The following UNK variants were observed in gnomAD, a reference collection of about 807,000 sequenced individuals.
UNK encodes the protein unk zinc finger, also known as RING finger protein unkempt homolog.
A neutral mutation model predicts 97.6 loss-of-function variants in UNK; 32 were observed. The ratio of observed to expected loss-of-function variants is 0.33; its 90% CI spans 0.25 to 0.44. The LOEUF is 0.44. UNK is among the 20% of genes least tolerant of loss of function. The pLI is 1.00. For missense variants in UNK, 771 were observed against 1,098.4 expected (o/e 0.70, Z 4.21); for synonymous variants, 441 against 461.2 (o/e 0.96, Z 0.56).
chr17:75,800,234 A>T (rs568463483), intron 1 of UNK, among the ~76,000 whole-genome samples: 1 of 151,962 alleles, frequency 6.6e-6, no homozygotes, highest in East Asian at 2.0e-4. Flanking sequence ...ACACCCGGCT[A>T]ATTCTTGTAT....
Position 75,816,874 on chromosome 17 carries a change from G to C in UNK, c.1066G>C (p.Val356Leu). 6.2e-7 allele frequency: 1 copy of C among 1,606,978 alleles called. No homozygotes were observed. The highest frequency in any genetic ancestry group is 1.1e-5 in the South Asian group (1 of 90,668). The change falls in exon 8 of 16, where the codon GTG becomes CTG. Residue 356 changes from valine to leucine, a missense_variant. Val to Leu is a conservative substitution (Grantham distance 32). Transcript: ENST00000589666. The surrounding 1 kb of genome is among the most constrained non-coding windows in gnomAD (Gnocchi z 4.0). Reference protein sequence around the residue: ...MPSAAGDSVPVSPSSPHAPDL... With the variant: ...MPSAAGDSVPLSPSSPHAPDL... ...ATCTGCCGCCGGAGACTCGGTGCCTGTGAGCCCCTCCAGCCCGCATGCCCC... is the reference window on the plus strand; with the variant it reads ...ATCTGCCGCCGGAGACTCGGTGCCTCTGAGCCCCTCCAGCCCGCATGCCCC...
intron 1 of UNK, among the ~76,000 whole-genome samples, chr17:75,799,258 A>T (rs1446356326): frequency 6.6e-6 from 1 of 152,108 alleles, no homozygotes; most frequent in African/African-American, 2.4e-5. Flanking sequence ...GTGACCTGTA[A>T]TTGCACTACT....
chr17:75,813,290 GC>G, intron 5 of UNK, 77 bp downstream of exon 5: 1 of 1,484,468 alleles, frequency 6.7e-7, no homozygotes, highest in Non-Finnish European at 9.0e-7. Context: ...GCTCCCACTG[GC>G]TCTCCGGGAG....
intron 5 of UNK, 89 bp from the exon 6 acceptor site, chr17:75,813,672 T>C: frequency 8.9e-7 from 1 of 1,121,330 alleles, no homozygotes; most frequent in East Asian, 2.6e-5. Flanking sequence ...TCTGTGCTCA[T>C]GCCTATGAGG....
At chr17:75,798,188 A>C (rs1015192954) in intron 1 of UNK, among the ~76,000 whole-genome samples, 1 of 150,764 alleles carries the variant, frequency 6.6e-6, no homozygotes, top group Admixed American at 6.7e-5. Flanking sequence ...CTCCTGCCTC[A>C]GCCTCCCGAG....
chr17:75,823,579 G>A (rs1356070723), intron 15 of UNK, 57 bp downstream of exon 15: 12 of 1,475,608 alleles, frequency 8.1e-6, no homozygotes, highest in Non-Finnish European at 8.1e-6. Flanking sequence ...GCCAGCTCTT[G>A]GACTCTGACC....
At chr17:75,800,943 G>A (rs562704878) in intron 1 of UNK, among the ~76,000 whole-genome samples, 5 of 150,606 alleles carry the variant, frequency 3.3e-5, no homozygotes, top group African/African-American at 9.8e-5. Flanking sequence ...TCACTCTGTC[G>A]CCCAGGCTGG....
Position 75,819,039 on chromosome 17 carries a change from G to T in UNK, c.1546+223G>T. 2.0e-6 allele frequency: 1 copy of T among 496,626 alleles called. No individual in the cohort carries two copies. The highest frequency in any genetic ancestry group is 3.4e-6 in the Non-Finnish European group (1 of 290,724). The allele number at this position is 496,626 out of a possible 1,614,324, so 30.8% of individuals were successfully genotyped here. ...GCTCCTTTGTGCAAATTAGAAAGAG[G>T]TGCCTTTTCCCCTTGGTGAGTACAG... On this transcript the variant is annotated intron_variant, in intron 11 of 15. Transcript: ENST00000589666. The surrounding 1 kb of genome is among the most constrained non-coding windows in gnomAD (Gnocchi z 5.4).
intron 7 of UNK, among the ~76,000 whole-genome samples, chr17:75,815,750 G>T (rs1360409542): frequency 6.6e-6 from 1 of 151,960 alleles, no homozygotes; most frequent in African/African-American, 2.4e-5. Flanking sequence ...GCTGGGCATG[G>T]TGGCACACGC....
chr17:75,810,763 A>AGTAGCT (rs1473527619), intron 2 of UNK, among the ~76,000 whole-genome samples: 1 of 151,854 alleles, frequency 6.6e-6, no homozygotes, highest in Non-Finnish European at 1.5e-5. Context: ...CAGCCTCCCA[A>AGTAGCT]GTAGCTGGGA....
intron 1 of UNK, among the ~76,000 whole-genome samples, chr17:75,790,845 C>G (rs1449101000): frequency 6.6e-6 from 1 of 151,578 alleles, no homozygotes; most frequent in Non-Finnish European, 1.5e-5. Context: ...ACAGGAGAAT[C>G]GCTTGAACCC....
intron 1 of UNK, 103 bp downstream of exon 1, chr17:75,785,087 C>A (rs75137507): frequency 2.4e-4 from 178 of 741,810 alleles, no homozygotes; most frequent in Middle Eastern, 8.0e-4. Context: ...CTTCCTCCCC[C>A]CCTTCCTCCT....
At chr17:75,807,370 C>T (rs2061928164) in intron 1 of UNK, among the ~76,000 whole-genome samples, 1 of 152,202 alleles carries the variant, frequency 6.6e-6, no homozygotes, top group African/African-American at 2.4e-5. Context: ...TGCACTCCAG[C>T]CTGGGCAACA....
intron 7 of UNK, 33 bp downstream of exon 7, chr17:75,815,286 C>G (rs751644752): frequency 3.8e-6 from 6 of 1,583,464 alleles, no homozygotes; most frequent in East Asian, 4.5e-5. Flanking sequence ...GGGCAGTGCC[C>G]TCTCCCACCC....
rs1331764255 is a variant in UNK at position 75,816,014 on chromosome 17, ATC to A, written c.962-755_962-754del. On this transcript the variant is annotated intron_variant, in intron 7 of 15. Transcript: ENST00000589666. This position sits in a 1 kb window ranked among gnomAD's most constrained non-coding sequence, Gnocchi z 4.0. ...ATTTCAATAATCAATATACAAAAAT[ATC>A]AAGACATTTCACCTTTTTTTGTACT... 1.3e-5 allele frequency among the ~76,000 whole-genome samples: 2 copies of A among 152,230 alleles called. No individual in the cohort carries two copies. Among genetic ancestry groups the A allele is most frequent in the African/African-American group, 4.8e-5 (2 of 41,452 alleles).
At position 75,792,606 on chromosome 17, in the gene UNK, ACT is replaced by A. The variant is rs199522439; in HGVS notation, c.104+7625_104+7626del. On this transcript the variant is annotated intron_variant, in intron 1 of 15. Transcript: ENST00000589666. Reference sequence around the variant, plus strand: ...TTCTTGTTTTCTTACCATATAGATAACTCTATAGATTCACCCCAGCCAGTCAT... The same window carrying A: ...TTCTTGTTTTCTTACCATATAGATAACTATAGATTCACCCCAGCCAGTCAT... 2.2e-5 allele frequency: 11 copies of A among 501,136 alleles called. No individual in the cohort carries two copies. The East Asian group carries it at 1.6e-3, about 75-fold the overall frequency. 31.0% of individuals were successfully genotyped at this position (501,136 alleles called of 1,614,324 possible). A position where few individuals can be genotyped will look rare whatever the true frequency, so the allele number is the denominator to read the frequency against.
At position 75,813,065 on chromosome 17, in the gene UNK, G is replaced by GC. The variant is rs1313358434; in HGVS notation, c.623-8dup. The stretch of plus-strand genomic sequence containing the variant: ...CCTCTCACCTGACCCCTGCCCTCTG[G>GC]CCCCCTGTGCAGAGACTGCTTATGT... On this transcript the variant is annotated splice_polypyrimidine_tract_variant and intron_variant, in intron 4 of 15. Transcript: ENST00000589666. The GC allele has an allele frequency of 3.8e-6, 6 of 1,579,766 alleles. No homozygotes were observed. The highest frequency in any genetic ancestry group is 5.2e-6 in the Non-Finnish European group (6 of 1,162,270).
intron 13 of UNK, 135 bp from the exon 14 acceptor site, chr17:75,822,342 C>T (rs1044361422): frequency 2.7e-6 from 3 of 1,126,346 alleles, no homozygotes; most frequent in Admixed American, 5.4e-5. Context: ...CTGCAAAATT[C>T]TCTGGCCTGA....
At chr17:75,797,279 A>G (rs923489332) in intron 1 of UNK, among the ~76,000 whole-genome samples, 2 of 152,238 alleles carry the variant, frequency 1.3e-5, no homozygotes, top group African/African-American at 4.8e-5. Context: ...TCTGTCCCCC[A>G]GGCTGGAGTG....
Sources: allele counts gnomAD v4.1 joint callset (sites outside exome capture counted in the v4.1 genomes callset), GRCh38; gene constraint gnomAD v4.1.1; non-coding constraint Gnocchi (gnomAD v3.1); transcripts MANE v1.5; gene names NCBI Gene and HGNC (gene_info 2026-07-23, HGNC 2026-07-21).